Variants in EMCN observed in about 807,000 individuals in gnomAD.
The protein encoded by EMCN is endomucin.
EMCN carries 37 observed loss-of-function variants against 38.4 expected under a neutral mutation model. The ratio of observed to expected loss-of-function variants is 0.96; its 90% CI spans 0.74 to 1.27. The LOEUF (loss-of-function observed/expected upper bound fraction) is 1.27, where lower values mean the gene tolerates loss of function less well. EMCN is among the 50% of genes most tolerant of loss of function. The probability of loss-of-function intolerance (pLI) is 0.00; values close to 1 mark genes in which losing one functional copy is unlikely to be tolerated. For missense variants in EMCN, 318 were observed against 302.8 expected (o/e 1.05, Z -0.37); for synonymous variants, 95 against 100.8 (o/e 0.94, Z 0.35).
intron 5 of EMCN, among the ~76,000 whole-genome samples, chr4:100,427,509 A>G (rs1727083908): frequency 6.8e-6 from 1 of 148,134 alleles, no homozygotes; most frequent in Non-Finnish European, 1.5e-5. Context: ...CTTGTCTCGA[A>G]CTCCTGACCT....
At chr4:100,417,344 T>A (rs1726765534) in intron 8 of EMCN, among the ~76,000 whole-genome samples, 2 of 152,182 alleles carry the variant, frequency 1.3e-5, no homozygotes, top group Non-Finnish European at 2.9e-5. Context: ...CATGGGATAG[T>A]CCTAATTAGG....
intron 11 of EMCN, among the ~76,000 whole-genome samples, chr4:100,401,736 G>A (rs1191815418): frequency 1.3e-5 from 2 of 152,140 alleles, no homozygotes; most frequent in East Asian, 1.9e-4. Context: ...ACATTGCTGA[G>A]GGTCTGTGGG....
intron 1 of EMCN, among the ~76,000 whole-genome samples, chr4:100,505,031 T>C (rs1205072424): frequency 6.6e-6 from 1 of 152,196 alleles, no homozygotes; most frequent in Non-Finnish European, 1.5e-5. Context: ...AATAATGGCA[T>C]AAGCTGTCTC....
At chr4:100,417,374 T>A (rs1460815870) in intron 8 of EMCN, among the ~76,000 whole-genome samples, 1 of 152,196 alleles carries the variant, frequency 6.6e-6, no homozygotes, top group Non-Finnish European at 1.5e-5. Context: ...CTAAACTTAG[T>A]TCTGGACTAA....
In EMCN at chr4:100,402,055, C is replaced by T. The variant is rs137860731; in HGVS notation, c.*40-3682G>A. Among the ~76,000 whole-genome samples, 556 of 152,222 alleles carry T rather than the reference C, an allele frequency of 3.7e-3. 7 individuals carry two copies. Among genetic ancestry groups the T allele is most frequent in the African/African-American group, 0.013 (525 of 41,540 alleles). On this transcript the variant is annotated intron_variant, in intron 11 of 11. Transcript: ENST00000296420. ...TATTTTTACTCATTATATAATGTCA[C>T]TGTGCAAAGTATAATTTATTTTATA...
At chr4:100,457,016 T>A (rs1728035510) in intron 4 of EMCN, among the ~76,000 whole-genome samples, 1 of 152,174 alleles carries the variant, frequency 6.6e-6, no homozygotes, top group South Asian at 2.1e-4. Flanking sequence ...TGTTTTATTT[T>A]CCTGGAAAAT....
chr4:100,410,347 A>G lies in EMCN; in HGVS notation c.760T>C (p.Ser254Pro), dbSNP rs932877744. 4.3e-6 allele frequency: 7 copies of G among 1,613,702 alleles called. No homozygotes were observed. In the African/African-American group the frequency reaches 8.0e-5, roughly 18 times the overall value. ...CAGTTCTTGGTTTTTCCTTGTGCAG[A>G]GTGCTCACCTGAGAACAGAAGATAT... The part of the protein sequence containing the change: ...KTISHESGEH[S>P]AQGKTKN The change falls in exon 11 of 12, where the codon TCT becomes CCT. Residue 254 changes from serine (S) to proline (P), a missense_variant. Coordinates refer to ENST00000296420, the MANE Select transcript of EMCN (RefSeq NM_016242.4).
rs1238452662 is a variant in EMCN at position 100,465,241 on chromosome 4, TGCA to T, written c.376+179_376+181del. On this transcript the variant is annotated intron_variant, in intron 4 of 11. Coordinates refer to ENST00000296420, the MANE Select transcript of EMCN (RefSeq NM_016242.4). ...TCCTTGTGACCCATTCCTTTGTGGC[TGCA>T]GTGGGATAGGGTATCACTGTAAAAG... Among the ~76,000 whole-genome samples the T allele has an allele frequency of 3.4e-4, 52 of 152,306 alleles. 1 individual carries two copies. Among genetic ancestry groups the T allele is most frequent in the African/African-American group, 1.2e-3 (48 of 41,580 alleles).
intron 1 of EMCN, among the ~76,000 whole-genome samples, chr4:100,513,691 C>T (rs1309419463): frequency 1.3e-5 from 2 of 152,112 alleles, no homozygotes; most frequent in South Asian, 4.1e-4. Context: ...AAATAATCGA[C>T]TTTTTTCTAT....
chr4:100,415,901 A>T lies in EMCN; in HGVS notation c.748T>A (p.Ser250Thr), dbSNP rs752930365. 1 of 1,581,592 alleles carries T rather than the reference A, an allele frequency of 6.3e-7. No individual in the cohort carries two copies. The highest frequency in any genetic ancestry group is 8.6e-7 in the Non-Finnish European group (1 of 1,165,054). ...LLTVKTISHESGEHSAQGKTK... is the reference protein window; with the variant it reads ...LLTVKTISHETGEHSAQGKTK... ...ATCAACTTGTCTGGAAACTTACCAG[A>T]CTCATGAGAAATTGTCTTAACGGTA... Residue 250 changes from serine (S) to threonine (T), a missense_variant, in exon 10 of 12, where the codon TCT becomes ACT. Coordinates refer to ENST00000296420, the MANE Select transcript of EMCN (RefSeq NM_016242.4).
intron 5 of EMCN, among the ~76,000 whole-genome samples, chr4:100,430,481 A>T (rs191807111): frequency 2.0e-5 from 3 of 152,328 alleles, no homozygotes; most frequent in African/African-American, 4.8e-5. Context: ...AGGTCAAACC[A>T]GACCATGCAG....
At chr4:100,497,000 ATTAGCATGCC>A (rs1200462325) in intron 1 of EMCN, among the ~76,000 whole-genome samples, 1 of 151,316 alleles carries the variant, frequency 6.6e-6, no homozygotes, top group East Asian at 1.9e-4. Context: ...TTTTTCTCAT[ATTAGCATGCC>A]TTAAGAACTG....
chr4:100,473,386 G>GT lies in EMCN; in HGVS notation c.259+1651dup, dbSNP rs58646995. ...TCGTGTTTTTTTGTTTTTTTTTTTTGTTTTTTTTTTTGCTAATGACATCAC... is the reference window on the plus strand; with the variant it reads ...TCGTGTTTTTTTGTTTTTTTTTTTTGTTTTTTTTTTTTGCTAATGACATCAC... On this transcript the variant is annotated intron_variant, in intron 3 of 11. Transcript: ENST00000296420. Among the ~76,000 whole-genome samples, 139 of 82,478 alleles carry GT rather than the reference G, an allele frequency of 1.7e-3. 7 individuals are homozygous for GT. Among genetic ancestry groups the GT allele is most frequent in the African/African-American group, 2.4e-3 (56 of 23,760 alleles). The allele number at this position is 82,478 out of a possible 152,430, so 54.1% of individuals were successfully genotyped here.
rs532041555 is a variant in EMCN, at chr4:100,506,384, A to G, written c.64+11467T>C. 5.8e-3 allele frequency among the ~76,000 whole-genome samples: 882 copies of G among 152,250 alleles called. 10 individuals are homozygous for G. The highest frequency in any genetic ancestry group is 0.02 in the African/African-American group (820 of 41,548). On this transcript the variant is annotated intron_variant, in intron 1 of 11. Transcript: ENST00000296420. ...GCCTAATGCTTAGACAAAACCCTAC[A>G]GCTACTATGAAATAGGTGATGAGAT...
At chr4:100,482,258 A>C (rs932058339) in intron 1 of EMCN, among the ~76,000 whole-genome samples, 5 of 152,054 alleles carry the variant, frequency 3.3e-5, no homozygotes, top group Admixed American at 1.3e-4. Flanking sequence ...GGTATTGCAA[A>C]TAATAGGGTA....
chr4:100,482,241 T>C (rs1160372683), intron 1 of EMCN, among the ~76,000 whole-genome samples: 1 of 152,018 alleles, frequency 6.6e-6, no homozygotes, highest in Non-Finnish European at 1.5e-5. Flanking sequence ...AGAAACAATA[T>C]GAGAGTGGTA....
chr4:100,410,325 T>C lies in EMCN; in HGVS notation c.782A>G (p.Asn261Ser). ...GEHSAQGKTK[N>S] is the part of the protein sequence containing the mutation. ...TGGAGAGAATTCCTCAAGCTGTCAG[T>C]TCTTGGTTTTTCCTTGTGCAGAGTG... is the stretch of plus-strand genomic sequence containing the variant. The change falls in exon 11 of 12, where the codon AAC becomes AGC. Residue 261 changes from asparagine (N) to serine (S), a missense_variant. Asn to Ser is a conservative substitution (Grantham distance 46, BLOSUM62 1). Coordinates refer to ENST00000296420, the MANE Select transcript of EMCN (RefSeq NM_016242.4). 1 of 1,613,804 alleles carries C rather than the reference T, an allele frequency of 6.2e-7. No homozygotes were observed. Among genetic ancestry groups the C allele is most frequent in the Non-Finnish European group, 8.5e-7 (1 of 1,179,740 alleles).
At chr4:100,401,738 G>T (rs919868885) in intron 11 of EMCN, among the ~76,000 whole-genome samples, 3 of 152,150 alleles carry the variant, frequency 2.0e-5, no homozygotes, top group African/African-American at 4.8e-5. Flanking sequence ...ATTGCTGAGG[G>T]TCTGTGGGAA....
chr4:100,482,903 A>T (rs753636348), intron 1 of EMCN, among the ~76,000 whole-genome samples: 6 of 152,256 alleles, frequency 3.9e-5, no homozygotes, highest in Middle Eastern at 3.4e-3. Flanking sequence ...ACTGTATGAA[A>T]ACTACAATTA....
Sources: allele counts gnomAD v4.1 joint callset (sites outside exome capture counted in the v4.1 genomes callset), GRCh38; gene constraint gnomAD v4.1.1; transcripts MANE v1.5; gene names NCBI Gene and HGNC (gene_info 2026-07-23, HGNC 2026-07-21).